KCNIP4: variants seen among roughly 807,000 people sequenced by gnomAD.
KCNIP4 encodes potassium voltage-gated channel interacting protein 4.
A neutral mutation model predicts 34.0 loss-of-function variants in KCNIP4; 12 were observed. The ratio of observed to expected loss-of-function variants is 0.35; its 90% confidence interval spans 0.23 to 0.57. The LOEUF is 0.57. Among genes scored for constraint, KCNIP4 ranks in the 20% least tolerant of loss-of-function variants. The probability of loss-of-function intolerance (pLI) is 0.83; values close to 1 mark genes in which losing one functional copy is unlikely to be tolerated. For synonymous variants in KCNIP4, 124 were observed against 102.2 expected, an observed-to-expected ratio of 1.21 and a Z score of -1.29; for missense variants, 238 against 311.7, an observed-to-expected ratio of 0.76 and a Z score of 1.78.
chr4:20,951,671 A>G (rs1300974388), intron 1 of KCNIP4, among the ~76,000 whole-genome samples: 2 of 152,180 alleles, frequency 1.3e-5, no homozygotes. Context: ...TTGAGACCTA[A>G]CTAACAATAT....
At chr4:21,457,330 C>A (rs1729038434) in intron 1 of KCNIP4, among the ~76,000 whole-genome samples, 1 of 151,994 alleles carries the variant, frequency 6.6e-6, no homozygotes. Context: ...TTCTCTTTAC[C>A]TTCCTGCCAG....
chr4:20,947,768 T>A (rs1732338966), intron 1 of KCNIP4, among the ~76,000 whole-genome samples: 2 of 152,192 alleles, frequency 1.3e-5, no homozygotes, highest in Admixed American at 1.3e-4. Context: ...TACTGAACAC[T>A]TACCACATGC....
chr4:21,410,998 G>A (rs1303608811), intron 1 of KCNIP4, among the ~76,000 whole-genome samples: 4 of 152,152 alleles, frequency 2.6e-5, no homozygotes, highest in African/African-American at 9.7e-5. Flanking sequence ...GTGACCTGGA[G>A]AAAGGCAATG....
At chr4:20,887,715 AG>A (rs1725468857) in intron 1 of KCNIP4, among the ~76,000 whole-genome samples, 1 of 152,176 alleles carries the variant, frequency 6.6e-6, no homozygotes, top group Non-Finnish European at 1.5e-5. Context: ...CATAGCTAAA[AG>A]CCTTGCATTC....
chr4:21,058,615 C>G (rs2108965597), intron 1 of KCNIP4, among the ~76,000 whole-genome samples: 1 of 152,236 alleles, frequency 6.6e-6, no homozygotes, highest in Non-Finnish European at 1.5e-5. Flanking sequence ...GAGTCAATGT[C>G]TGGCATTTAC....
At chr4:21,588,134 G>C (rs1212390887) in intron 1 of KCNIP4, among the ~76,000 whole-genome samples, 1 of 151,782 alleles carries the variant, frequency 6.6e-6, no homozygotes, top group Non-Finnish European at 1.5e-5. Flanking sequence ...TCATATCTTG[G>C]CTAAGAGTTA....
chr4:21,008,672 C>T (rs1281761640), intron 1 of KCNIP4, among the ~76,000 whole-genome samples: 1 of 151,668 alleles, frequency 6.6e-6, no homozygotes, highest in Admixed American at 6.6e-5. Context: ...TGCAGGCGCC[C>T]GCCACCACGC....
chr4:20,881,621 A>G (rs1246428752), intron 2 of KCNIP4, among the ~76,000 whole-genome samples: 1 of 152,188 alleles, frequency 6.6e-6, no homozygotes, highest in African/African-American at 2.4e-5. Flanking sequence ...TCCTTTAGAT[A>G]TTCCTCTATT....
intron 2 of KCNIP4, among the ~76,000 whole-genome samples, chr4:20,873,536 C>T: frequency 6.6e-6 from 1 of 152,094 alleles, no homozygotes; most frequent in South Asian, 2.1e-4. Flanking sequence ...ATTCAGAAGC[C>T]AATATCCCAC....
chr4:21,556,937 A>AACAAAAAAAAACAAAAAAC (rs1420038468), intron 1 of KCNIP4, among the ~76,000 whole-genome samples: 23 of 149,476 alleles, frequency 1.5e-4, no homozygotes, highest in Non-Finnish European at 3.0e-4. Context: ...AAAAAAAAAA[A>AACAAAAAAAAACAAAAAAC]AAAAAACCAG....
intron 1 of KCNIP4, among the ~76,000 whole-genome samples, chr4:21,264,182 T>TGGGATTTTGAGAAGAGC (rs1397338345): frequency 1.3e-5 from 1 of 78,078 alleles, no homozygotes; most frequent in African/African-American, 4.9e-5. Context: ...GGCTAAAGAG[T>TGGGATTTTGAGAAGAGC]TGTTCTGATA....
intron 1 of KCNIP4, among the ~76,000 whole-genome samples, chr4:21,541,343 T>G (rs1440922746): frequency 6.6e-6 from 1 of 152,164 alleles, no homozygotes; most frequent in African/African-American, 2.4e-5. Flanking sequence ...CTTATCCCAA[T>G]TTATTGACAT....
intron 1 of KCNIP4, among the ~76,000 whole-genome samples, chr4:21,443,555 T>C (rs1489418104): frequency 6.6e-6 from 1 of 152,096 alleles, no homozygotes; most frequent in Non-Finnish European, 1.5e-5. Context: ...TTAAGAGCAA[T>C]GACAAAGGTT....
At chr4:21,561,845 C>T (rs375387276) in intron 1 of KCNIP4, among the ~76,000 whole-genome samples, 37 of 152,034 alleles carry the variant, frequency 2.4e-4, no homozygotes, top group African/African-American at 8.7e-4. Context: ...CCTATCCTTG[C>T]TTTTTGGAAA....
intron 1 of KCNIP4, among the ~76,000 whole-genome samples, chr4:21,875,350 A>G (rs1251210603): frequency 1.3e-5 from 2 of 152,204 alleles, no homozygotes; most frequent in Non-Finnish European, 2.9e-5. Flanking sequence ...TAGAGACAGG[A>G]TTTGATTAAT....
chr4:21,645,588 GGGA>G, intron 1 of KCNIP4, among the ~76,000 whole-genome samples: 1 of 152,202 alleles, frequency 6.6e-6, no homozygotes, highest in Middle Eastern at 3.4e-3. Context: ...GTCACAGATT[GGGA>G]TCAATACCAC....
intron 1 of KCNIP4, among the ~76,000 whole-genome samples, chr4:21,400,482 C>CCTCTT (rs1306253658): frequency 1.0e-4 from 15 of 146,218 alleles, no homozygotes; most frequent in Non-Finnish European, 1.8e-4. Context: ...CCTCTCCTCT[C>CCTCTT]CTCTCCTCTC....
intron 1 of KCNIP4, among the ~76,000 whole-genome samples, chr4:20,943,483 A>G (rs942909979): frequency 6.6e-6 from 1 of 152,170 alleles, no homozygotes; most frequent in Admixed American, 6.5e-5. Context: ...TGCCCACTGA[A>G]GCTTTTTGTT....
At chr4:21,563,617 T>C (rs1739624804) in intron 1 of KCNIP4, among the ~76,000 whole-genome samples, 1 of 152,238 alleles carries the variant, frequency 6.6e-6, no homozygotes, top group African/African-American at 2.4e-5. Flanking sequence ...ATATAGATAA[T>C]TTAGAAAAAG....
Sources: gnomAD v4.1 joint callset for allele counts (sites outside exome capture counted in the v4.1 genomes callset) on GRCh38, gnomAD v4.1.1 for gene constraint, MANE v1.5 for transcripts, NCBI Gene and HGNC (gene_info 2026-07-23, HGNC 2026-07-21) for gene names.